MINDY2: variants seen among roughly 807,000 people sequenced by gnomAD.
MINDY2 encodes the protein ubiquitin carboxyl-terminal hydrolase MINDY-2.
A neutral mutation model predicts 68.2 loss-of-function variants in MINDY2; 52 were observed. The observed-to-expected ratio is 0.76, with a 90% CI of 0.61 to 0.96. MINDY2 has a LOEUF of 0.96. Among genes scored for constraint, MINDY2 ranks in the 40% least tolerant of loss-of-function variants. The pLI is 0.00. For synonymous variants in MINDY2, 372 were observed against 303.0 expected (o/e 1.23, Z -2.36); for missense variants, 881 against 773.4 (o/e 1.14, Z -1.65).
chr15:58,797,401 A>C (rs1372397621), intron 2 of MINDY2, among the ~76,000 whole-genome samples: 1 of 152,150 alleles, frequency 6.6e-6, no homozygotes, highest in Admixed American at 6.5e-5. Flanking sequence ...CCTGCTGCTC[A>C]GGAGGTTAAG....
intron 1 of MINDY2, among the ~76,000 whole-genome samples, chr15:58,785,858 T>A (rs1298325924): frequency 1.3e-5 from 2 of 152,094 alleles, no homozygotes. Flanking sequence ...TGTGTTTTTT[T>A]AGTAAAGTCC....
chr15:58,775,295 TTTTTA>T (rs766871587), intron 1 of MINDY2, among the ~76,000 whole-genome samples: 2 of 152,192 alleles, frequency 1.3e-5, no homozygotes, highest in East Asian at 3.8e-4. Flanking sequence ...TCCTCAATCA[TTTTTA>T]AGACTGTAAA....
Position 58,859,333 on chromosome 15 carries a change from A to G in MINDY2, c.*4723A>G, listed in dbSNP as rs1372375614. 1.3e-5 allele frequency: 2 copies of G among 152,132 alleles called. No individual in the cohort carries two copies. The highest frequency in any genetic ancestry group is 4.8e-5 in the African/African-American group (2 of 41,462). 9.4% of individuals were successfully genotyped at this position (152,132 alleles called of 1,614,324 possible). On this transcript the variant is annotated 3_prime_UTR_variant, in exon 9 of 9. Transcript: ENST00000559228. The stretch of plus-strand genomic sequence containing the variant: ...GTATCAAATTACTAATACAGTATAT[A>G]AACTTCGTTTGCATTGGTGGAATTC...
chr15:58,851,656 G>A, intron 7 of MINDY2, 115 bp from the exon 8 acceptor site: 2 of 816,536 alleles, frequency 2.4e-6, no homozygotes, highest in South Asian at 2.0e-5. Context: ...GCCCAGGCCT[G>A]GTGTATTTTT....
chr15:58,784,978 C>CA (rs1322625334), intron 1 of MINDY2, among the ~76,000 whole-genome samples: 1 of 151,690 alleles, frequency 6.6e-6, no homozygotes, highest in Admixed American at 6.6e-5. Flanking sequence ...GAAAATCAGA[C>CA]AGACTGCCAC....
rs776419878 is a variant in MINDY2, at chr15:58,810,360, T to C, written c.1094T>C (p.Leu365Ser). 6.2e-7 allele frequency: 1 copy of C among 1,609,570 alleles called. No individual in the cohort carries two copies. The highest frequency in any genetic ancestry group is 1.7e-5 in the Admixed American group (1 of 59,206). Reference protein sequence around the residue: ...CIVFDLLDIPLYHGWLVDPQI... With the variant: ...CIVFDLLDIPSYHGWLVDPQI... ...GTATTTGATCTTCTTGATATTCCTT[T>C]GTACCATGGGTGGTTAGTAGACCCT... The change falls in exon 4 of 9, where the codon TTG becomes TCG. Residue 365 changes from leucine (L) to serine (S), a missense_variant. Transcript: ENST00000559228.
chr15:58,785,154 A>G (rs201372801), intron 1 of MINDY2, among the ~76,000 whole-genome samples: 8 of 138,690 alleles, frequency 5.8e-5, no homozygotes, highest in East Asian at 2.8e-4. Flanking sequence ...AAAAAAAAAA[A>G]AAAAGAAAAG....
chr15:58,805,630 T>C (rs1321250531), intron 3 of MINDY2, among the ~76,000 whole-genome samples: 1 of 152,258 alleles, frequency 6.6e-6, no homozygotes, highest in Non-Finnish European at 1.5e-5. Context: ...TAGTACTCCC[T>C]TCTTGTGAGG....
At chr15:58,825,866 A>G (rs1164140054) in intron 5 of MINDY2, among the ~76,000 whole-genome samples, 14 of 152,150 alleles carry the variant, frequency 9.2e-5, no homozygotes, top group African/African-American at 3.1e-4. Flanking sequence ...TCAGCCTCCC[A>G]AAGTGCTGGG....
intron 6 of MINDY2, among the ~76,000 whole-genome samples, chr15:58,846,119 ATGAT>A (rs1567075363): frequency 6.6e-6 from 1 of 151,898 alleles, no homozygotes; most frequent in African/African-American, 2.4e-5. Flanking sequence ...AAAAAACAGA[ATGAT>A]TGAGACCTAG....
intron 1 of MINDY2, among the ~76,000 whole-genome samples, chr15:58,781,988 A>C (rs999556030): frequency 6.6e-5 from 10 of 152,212 alleles, no homozygotes; most frequent in African/African-American, 2.2e-4. Context: ...AGTATTTTTA[A>C]GTATAGTATT....
chr15:58,836,189 C>A (rs569039170), intron 6 of MINDY2, among the ~76,000 whole-genome samples: 1 of 151,730 alleles, frequency 6.6e-6, no homozygotes, highest in South Asian at 2.1e-4. Context: ...GGATTACAGG[C>A]GTGAGCGACC....
chr15:58,859,400 TTG>T lies in MINDY2; in HGVS notation c.*4794_*4795del, dbSNP rs573325426. The stretch of plus-strand genomic sequence containing the variant: ...TAATATTATTTTAGGGCTATATAAA[TTG>T]TGTTTTTAGTGTAAAATGTTATTTG... On this transcript the variant is annotated 3_prime_UTR_variant, in exon 9 of 9. Transcript: ENST00000559228. 11 of 152,258 alleles carry T rather than the reference TTG, an allele frequency of 7.2e-5. 1 individual carries two copies. The South Asian group carries it at 2.3e-3, about 32-fold the overall frequency. The allele number at this position is 152,258 out of a possible 1,614,324, so 9.4% of individuals were successfully genotyped here.
In MINDY2 at chr15:58,851,882, G is replaced by T. The variant is rs1490270197; in HGVS notation, c.1654G>T (p.Glu552Ter). 7 of 1,613,480 alleles carry T rather than the reference G, an allele frequency of 4.3e-6. No homozygotes were observed. The Admixed American group carries it at 6.7e-5, about 15-fold the overall frequency. Reference sequence around the variant, plus strand: ...GGAACTAGCAAAGAAACTCCAAGAGGAAGAGGACAGACGGGCTTCTCAATA... The same window carrying T: ...GGAACTAGCAAAGAAACTCCAAGAGTAAGAGGACAGACGGGCTTCTCAATA... ...DLELAKKLQE[E>*]EDRRASQYYQ... Residue 552 changes from glutamate (E) to a stop codon, truncating the protein, a stop_gained, in exon 8 of 9, where the codon GAA (glutamate) becomes TAA (stop). Transcript: ENST00000559228. LOFTEE classifies it high-confidence loss of function.
At chr15:58,777,595 G>A (rs1249693711) in intron 1 of MINDY2, among the ~76,000 whole-genome samples, 1 of 151,892 alleles carries the variant, frequency 6.6e-6, no homozygotes, top group Non-Finnish European at 1.5e-5. Flanking sequence ...TCAACATAAT[G>A]AGACCCCATC....
rs1260730465 is a variant in MINDY2 at position 58,861,249 on chromosome 15, A to G, written c.*6639A>G. On this transcript the variant is annotated 3_prime_UTR_variant, in exon 9 of 9. Transcript: ENST00000559228. ...GAAACAAGTTTTCTTTCTCCACTTT[A>G]TTGTTGGACTAATTGGGTCAATTTG... 1 of 152,186 alleles carries G rather than the reference A, an allele frequency of 6.6e-6. No individual in the cohort carries two copies. Among genetic ancestry groups the G allele is most frequent in the South Asian group, 2.1e-4 (1 of 4,826 alleles). 9.4% of individuals were successfully genotyped at this position (152,186 alleles called of 1,614,324 possible). A position where few individuals can be genotyped will look rare whatever the true frequency, so the allele number is the denominator to read the frequency against.
At chr15:58,795,231 A>C (rs1902204314) in intron 2 of MINDY2, among the ~76,000 whole-genome samples, 1 of 151,980 alleles carries the variant, frequency 6.6e-6, no homozygotes, top group Non-Finnish European at 1.5e-5. Context: ...TAATAGAGAA[A>C]AGAAGAGGGG....
chr15:58,824,701 G>T (rs982798636), intron 5 of MINDY2, among the ~76,000 whole-genome samples: 1 of 136,048 alleles, frequency 7.4e-6, no homozygotes, highest in Admixed American at 8.1e-5. Context: ...AGACAGTCTC[G>T]CTCTGTCACC....
chr15:58,809,613 AC>A (rs777915927), intron 3 of MINDY2, among the ~76,000 whole-genome samples: 1 of 152,094 alleles, frequency 6.6e-6, no homozygotes, highest in Non-Finnish European at 1.5e-5. Flanking sequence ...GACTTGAAAA[AC>A]ATTTGACTTT....
Sources: allele counts gnomAD v4.1 joint callset (sites outside exome capture counted in the v4.1 genomes callset), GRCh38; gene constraint gnomAD v4.1.1; transcripts MANE v1.5; gene names NCBI Gene and HGNC (gene_info 2026-07-23, HGNC 2026-07-21).